CLNK: variants seen among roughly 807,000 people sequenced by gnomAD.
The protein encoded by CLNK is cytokine dependent hematopoietic cell linker, also known as cytokine-dependent hematopoietic cell linker.
In CLNK, 74 loss-of-function variants were observed where a neutral mutation model predicts 68.6. The observed-to-expected ratio is 1.08, with a 90% CI of 0.89 to 1.31. The LOEUF is 1.31. Ranked by LOEUF, CLNK falls within the 50% of genes most tolerant of loss-of-function variation. CLNK has a pLI of 0.00. For synonymous variants in CLNK, 198 were observed against 172.2 expected, an observed-to-expected ratio of 1.15 and a Z score of -1.17; for missense variants, 553 against 515.3, an observed-to-expected ratio of 1.07 and a Z score of -0.71.
the CLNK span, among the ~76,000 whole-genome samples, chr4:10,711,685 T>G: frequency 6.6e-6 from 1 of 152,230 alleles, no homozygotes; most frequent in Non-Finnish European, 1.5e-5. Flanking sequence ...CTGGCTTTGT[T>G]TCAGCTCTCC....
intron 2 of CLNK, among the ~76,000 whole-genome samples, chr4:10,655,967 T>C (rs967833285): frequency 6.6e-6 from 1 of 151,944 alleles, no homozygotes; most frequent in Non-Finnish European, 1.5e-5. Context: ...TTTTAATATA[T>C]AGAGCCGGGT....
At chr4:10,525,366 A>T (rs548331083) in intron 14 of CLNK, among the ~76,000 whole-genome samples, 19 of 152,270 alleles carry the variant, frequency 1.2e-4, no homozygotes, top group Non-Finnish European at 1.6e-4. Context: ...CGCCCGGCCA[A>T]GCCTTGGCTT....
chr4:10,595,331 A>G (rs763597371), intron 3 of CLNK, among the ~76,000 whole-genome samples: 10 of 152,190 alleles, frequency 6.6e-5, no homozygotes, highest in Non-Finnish European at 1.2e-4. Flanking sequence ...TATTGAGTGG[A>G]ATTCGGATTT....
the CLNK span, among the ~76,000 whole-genome samples, chr4:10,714,010 C>T: frequency 6.6e-6 from 1 of 151,888 alleles, no homozygotes; most frequent in Non-Finnish European, 1.5e-5. Context: ...CAAGAATCTT[C>T]CTGTCATTCT....
chr4:10,541,862 T>C (rs1035936715), intron 10 of CLNK, among the ~76,000 whole-genome samples, 160 bp downstream of exon 10: 3 of 151,450 alleles, frequency 2.0e-5, no homozygotes, highest in South Asian at 2.1e-4. Flanking sequence ...ATCTTGTTCA[T>C]TGAACATCTC....
chr4:10,525,361 G>A (rs926820921), intron 14 of CLNK, among the ~76,000 whole-genome samples: 3 of 152,132 alleles, frequency 2.0e-5, no homozygotes, highest in East Asian at 1.9e-4. Context: ...CACCGCGCCC[G>A]GCCAAGCCTT....
At chr4:10,687,215 A>AAC (rs1246370274), upstream of CLNK, among the ~76,000 whole-genome samples, 1 of 152,048 alleles carries the variant, frequency 6.6e-6, no homozygotes, top group Admixed American at 6.6e-5. Flanking sequence ...AAAAAAAAAA[A>AAC]AAACTTGTCC....
intron 11 of CLNK, among the ~76,000 whole-genome samples, chr4:10,537,639 CTTTCTTTCTT>C (rs1718823823): frequency 4.8e-5 from 3 of 62,778 alleles, no homozygotes; most frequent in South Asian, 7.3e-4. Flanking sequence ...CTTTCTTTCT[CTTTCTTTCTT>C]TCTTTCTTTC....
chr4:10,530,563 A>C (rs905529771), intron 12 of CLNK, among the ~76,000 whole-genome samples: 7 of 152,240 alleles, frequency 4.6e-5, no homozygotes, highest in African/African-American at 1.7e-4. Flanking sequence ...GCAGAATGCC[A>C]ACTAAAGTTG....
chr4:10,592,636 TTGA>T (rs1248522975), intron 3 of CLNK, among the ~76,000 whole-genome samples: 1 of 152,170 alleles, frequency 6.6e-6, no homozygotes, highest in Non-Finnish European at 1.5e-5. Context: ...GGGTTCTGCC[TTGA>T]TTCTTCCTTC....
At chr4:10,516,450 T>G (rs1358729645) in intron 15 of CLNK, among the ~76,000 whole-genome samples, 1 of 152,092 alleles carries the variant, frequency 6.6e-6, no homozygotes, top group Non-Finnish European at 1.5e-5. Context: ...TTAGATTATA[T>G]AGGCGCTAAT....
chr4:10,495,408 A>T (rs140570029), intron 18 of CLNK, among the ~76,000 whole-genome samples: 240 of 152,280 alleles, frequency 1.6e-3, no homozygotes, highest in Non-Finnish European at 3.0e-3. Context: ...GCCTACAGAG[A>T]TCGGCACAGG....
At chr4:10,712,645 A>AC in the CLNK span, among the ~76,000 whole-genome samples, 1 of 152,246 alleles carries the variant, frequency 6.6e-6, no homozygotes, top group African/African-American at 2.4e-5. Context: ...TTAAATGGCA[A>AC]CCAGCCACTG....
At chr4:10,582,572 T>C (rs1443367323) in intron 4 of CLNK, among the ~76,000 whole-genome samples, 1 of 152,112 alleles carries the variant, frequency 6.6e-6, no homozygotes, top group Non-Finnish European at 1.5e-5. Context: ...CATGAGTTTA[T>C]TTTATGGAAA....
At chr4:10,556,275 A>T (rs147923611) in intron 8 of CLNK, among the ~76,000 whole-genome samples, 1 of 152,194 alleles carries the variant, frequency 6.6e-6, no homozygotes, top group African/African-American at 2.4e-5. Flanking sequence ...TTTTGCTTAG[A>T]CTACCAGGTA....
intron 11 of CLNK, 79 bp from the exon 12 acceptor site, chr4:10,532,362 C>G: frequency 8.5e-7 from 1 of 1,174,824 alleles, no homozygotes; most frequent in Non-Finnish European, 1.2e-6. Flanking sequence ...GCCTTACAAA[C>G]CTTTCATTAC....
At chr4:10,690,547 C>T in the CLNK span, among the ~76,000 whole-genome samples, 2 of 152,156 alleles carry the variant, frequency 1.3e-5, no homozygotes, top group African/African-American at 2.4e-5. Context: ...TAATAAATAT[C>T]CATTAATTAC....
At chr4:10,673,750 T>C (rs1724758538) in intron 1 of CLNK, among the ~76,000 whole-genome samples, 1 of 151,572 alleles carries the variant, frequency 6.6e-6, no homozygotes, top group Non-Finnish European at 1.5e-5. Context: ...AACTCCCACA[T>C]GGACTATGAT....
At chr4:10,608,999 C>A (rs1721900008) in intron 2 of CLNK, among the ~76,000 whole-genome samples, 1 of 152,232 alleles carries the variant, frequency 6.6e-6, no homozygotes, top group Non-Finnish European at 1.5e-5. Context: ...CCTCAAGGGC[C>A]CCACTTAACA....
Sources: allele counts gnomAD v4.1 joint callset (sites outside exome capture counted in the v4.1 genomes callset), GRCh38; gene constraint gnomAD v4.1.1; transcripts MANE v1.5; gene names NCBI Gene and HGNC (gene_info 2026-07-23, HGNC 2026-07-21).